SNX24: variants seen among roughly 807,000 people sequenced by gnomAD.
SNX24 encodes the protein sorting nexin-24.
Under a neutral mutation model 28.7 loss-of-function variants are expected in SNX24, and 22 were observed. The ratio of observed to expected loss-of-function variants is 0.77; its 90% CI spans 0.55 to 1.10. SNX24 has a LOEUF of 1.10. SNX24 is among the 50% of genes least tolerant of loss of function. The pLI, the probability that SNX24 is intolerant of heterozygous loss-of-function variation, is 0.00. For missense variants in SNX24, 221 were observed against 201.1 expected (o/e 1.10, Z -0.60); for synonymous variants, 69 against 71.5 (o/e 0.96, Z 0.18).
chr5:122,890,631 G>A (rs187734668), intron 1 of SNX24, among the ~76,000 whole-genome samples: 18 of 151,956 alleles, frequency 1.2e-4, no homozygotes, highest in African/African-American at 3.6e-4. Flanking sequence ...CACCACACCC[G>A]TCTAATTTTT....
chr5:123,000,193 T>A (rs1762198532), intron 4 of SNX24, among the ~76,000 whole-genome samples, 187 bp downstream of exon 4: 1 of 152,232 alleles, frequency 6.6e-6, no homozygotes, highest in African/African-American at 2.4e-5. Flanking sequence ...TATGCCCATC[T>A]TGCGGCCAAA....
chr5:122,940,235 C>T (rs931150060), intron 2 of SNX24, among the ~76,000 whole-genome samples: 2 of 152,128 alleles, frequency 1.3e-5, no homozygotes, highest in Admixed American at 6.5e-5. Flanking sequence ...CTCAGGTGAT[C>T]CACCCACCTC....
intron 1 of SNX24, among the ~76,000 whole-genome samples, chr5:122,856,703 A>T (rs941961522): frequency 1.3e-5 from 2 of 151,784 alleles, no homozygotes; most frequent in African/African-American, 4.8e-5. Flanking sequence ...TTTAGTAGAG[A>T]TGGGGTTTCA....
intron 3 of SNX24, among the ~76,000 whole-genome samples, chr5:122,984,033 A>T (rs1761495328): frequency 6.6e-6 from 1 of 152,196 alleles, no homozygotes; most frequent in Admixed American, 6.5e-5. Context: ...AGTAATCATT[A>T]GTATTAATTA....
chr5:123,012,537 G>A (rs1225843253), downstream of SNX24, among the ~76,000 whole-genome samples: 2 of 152,196 alleles, frequency 1.3e-5, no homozygotes, highest in Admixed American at 1.3e-4. Flanking sequence ...TGTTTAATAG[G>A]TTTCAGCTGG....
chr5:122,855,487 T>G (rs72796838), intron 1 of SNX24, among the ~76,000 whole-genome samples: 18,934 of 152,200 alleles, frequency 0.12, 1,490 homozygotes, highest in East Asian at 0.36. Context: ...TCTTCCAAAA[T>G]TGGTTTCAGG....
At position 122,921,229 on chromosome 5, in the gene SNX24, G is replaced by A. The variant is rs1254473597; in HGVS notation, c.61-15505G>A. Among the ~76,000 whole-genome samples, 3 of 151,786 alleles carry A rather than the reference G, an allele frequency of 2.0e-5. No homozygotes were observed. In the East Asian group the frequency reaches 5.8e-4, roughly 29 times the overall value. ...TCAATTGGATGTACTATTTATCCCT[G>A]AGGTCCCAGCAGCTTGCCTCTCTGA... On this transcript the variant is annotated intron_variant, in intron 1 of 6. Coordinates refer to ENST00000261369, the MANE Select transcript of SNX24 (RefSeq NM_014035.4).
chr5:122,912,940 A>G (rs1200689415), intron 1 of SNX24, among the ~76,000 whole-genome samples: 2 of 151,948 alleles, frequency 1.3e-5, no homozygotes, highest in Non-Finnish European at 2.9e-5. Context: ...GCCTTCAAGC[A>G]TCTGTTTAAC....
At chr5:122,865,509 TTAGTAGAG>T (rs1320353546) in intron 1 of SNX24, among the ~76,000 whole-genome samples, 1 of 152,126 alleles carries the variant, frequency 6.6e-6, no homozygotes, top group African/African-American at 2.4e-5. Flanking sequence ...TTTTGTATTT[TTAGTAGAG>T]TAGTAGAGAT....
chr5:122,886,035 C>T (rs79570857), intron 1 of SNX24, among the ~76,000 whole-genome samples: 3,985 of 152,160 alleles, frequency 0.026, 69 homozygotes, highest in Non-Finnish European at 0.037. Context: ...CCCCGCGGCC[C>T]AGGGGTTGAG....
intron 3 of SNX24, among the ~76,000 whole-genome samples, chr5:122,971,281 G>T (rs543033823): frequency 3.9e-5 from 6 of 152,294 alleles, no homozygotes; most frequent in African/African-American, 1.4e-4. Flanking sequence ...CTTTATCTTG[G>T]TTGCGCTGGC....
chr5:123,010,472 A>G (rs1000221125), downstream of SNX24, among the ~76,000 whole-genome samples: 1 of 152,042 alleles, frequency 6.6e-6, no homozygotes, highest in African/African-American at 2.4e-5. Flanking sequence ...TATTTTTAGT[A>G]GAGACAGTGT....
chr5:122,894,954 A>G (rs1364566666), intron 1 of SNX24, among the ~76,000 whole-genome samples: 2 of 152,010 alleles, frequency 1.3e-5, no homozygotes, highest in African/African-American at 4.8e-5. Context: ...TAATAAATTT[A>G]TTGAGCTACA....
chr5:122,895,960 C>G (rs984147483), intron 1 of SNX24, among the ~76,000 whole-genome samples: 22 of 151,926 alleles, frequency 1.4e-4, no homozygotes, highest in African/African-American at 5.3e-4. Context: ...ACCAGCCTGG[C>G]CAACATGGTG....
At chr5:122,902,962 C>G (rs767153424) in intron 1 of SNX24, among the ~76,000 whole-genome samples, 9 of 152,088 alleles carry the variant, frequency 5.9e-5, no homozygotes, top group African/African-American at 1.9e-4. Context: ...TTATTGTTCC[C>G]TAGGCCTGAG....
At chr5:122,919,018 GAT>G (rs1330741194) in intron 1 of SNX24, among the ~76,000 whole-genome samples, 1 of 152,162 alleles carries the variant, frequency 6.6e-6, no homozygotes, top group African/African-American at 2.4e-5. Flanking sequence ...AGACTTCAGA[GAT>G]ACAAACCAGT....
rs535843093 is a variant in SNX24 at position 122,918,510 on chromosome 5, A to G, written c.61-18224A>G. ...ACTTTTATGTGTTGCTTCATAAGTAATCATATTTACTTGTCTTCTTTGCTA... is the reference window on the plus strand; with the variant it reads ...ACTTTTATGTGTTGCTTCATAAGTAGTCATATTTACTTGTCTTCTTTGCTA... On this transcript the variant is annotated intron_variant, in intron 1 of 6. Coordinates refer to ENST00000261369, the MANE Select transcript of SNX24 (RefSeq NM_014035.4). Among the ~76,000 whole-genome samples the G allele has an allele frequency of 7.2e-5, 11 of 152,314 alleles. No individual in the cohort carries two copies. In the South Asian group the frequency reaches 1.7e-3, roughly 23 times the overall value.
intron 1 of SNX24, among the ~76,000 whole-genome samples, chr5:122,932,837 C>T (rs565041298): frequency 9.6e-4 from 126 of 131,554 alleles, no homozygotes; most frequent in Non-Finnish European, 6.3e-4. Context: ...CCAGCCGGGG[C>T]GACAGAGCAA....
chr5:122,910,336 A>T (rs1266239115), intron 1 of SNX24, among the ~76,000 whole-genome samples: 2 of 152,184 alleles, frequency 1.3e-5, no homozygotes, highest in Admixed American at 6.5e-5. Flanking sequence ...TTTCATTTTT[A>T]CTTTTGAAAT....
Sources: gnomAD v4.1 joint callset for allele counts (sites outside exome capture counted in the v4.1 genomes callset) on GRCh38, gnomAD v4.1.1 for gene constraint, MANE v1.5 for transcripts, NCBI Gene and HGNC (gene_info 2026-07-23, HGNC 2026-07-21) for gene names.